Variants in ASH2L observed in about 807,000 individuals in gnomAD.
ASH2L encodes the protein ASH2 like, histone lysine methyltransferase complex subunit.
ASH2L carries 30 observed loss-of-function variants against 81.1 expected under a neutral mutation model. That is an observed-to-expected ratio of 0.37 (90% CI 0.28 to 0.50). The LOEUF is 0.50. ASH2L is among the 20% of genes least tolerant of loss of function. ASH2L has a pLI of 0.95. For missense variants in ASH2L, 559 were observed against 792.1 expected, an observed-to-expected ratio of 0.71 and a Z score of 3.53; for synonymous variants, 273 against 279.9, an observed-to-expected ratio of 0.98 and a Z score of 0.24.
chr8:38,112,449 G>A (rs1810728221), intron 5 of ASH2L, among the ~76,000 whole-genome samples: 1 of 151,458 alleles, frequency 6.6e-6, no homozygotes, highest in Non-Finnish European at 1.5e-5. Context: ...GCTTTAATAG[G>A]GACAGGTCTC....
chr8:38,130,775 T>C (rs902407654), intron 12 of ASH2L, among the ~76,000 whole-genome samples: 12 of 152,040 alleles, frequency 7.9e-5, no homozygotes, highest in Non-Finnish European at 1.6e-4. Context: ...ATTTTTGTAT[T>C]TTTAGTGGAG....
At chr8:38,115,331 C>T (rs1280592871) in intron 7 of ASH2L, among the ~76,000 whole-genome samples, 2 of 152,080 alleles carry the variant, frequency 1.3e-5, no homozygotes, top group Non-Finnish European at 2.9e-5. Context: ...AAATTTTGCT[C>T]TTAAAAACTT....
At chr8:38,132,656 G>A (rs760563130) in intron 12 of ASH2L, among the ~76,000 whole-genome samples, 3 of 149,722 alleles carry the variant, frequency 2.0e-5, no homozygotes, top group African/African-American at 4.9e-5. Context: ...AAAAGTAACC[G>A]GGTGTGGTGG....
At position 38,114,275 on chromosome 8, in the gene ASH2L, T is replaced by C. The variant is rs1211574341; in HGVS notation, c.669T>C (p.Ile223=). The stretch of plus-strand genomic sequence containing the variant: ...GGAAAATGACTTGGCCAAATAACAT[T>C]GTTAAAACAATGGTAAGTAGATTAA... The part of the protein sequence containing the change: ...RPGKMTWPNN[I]VKTMSKERDV... Residue 223 remains isoleucine, a synonymous_variant, in exon 6 of 16, where the codon ATT becomes ATC. Coordinates refer to ENST00000343823, the MANE Select transcript of ASH2L (RefSeq NM_004674.5). The C allele has an allele frequency of 6.2e-7, 1 of 1,601,726 alleles. No homozygotes were observed. Among genetic ancestry groups the C allele is most frequent in the Non-Finnish European group, 8.5e-7 (1 of 1,172,264 alleles).
rs1226058205 is a variant in ASH2L, at chr8:38,140,059, A to C, written c.*988A>C. The C allele has an allele frequency of 6.6e-6, 1 of 152,288 alleles. No homozygotes were observed. Among genetic ancestry groups the C allele is most frequent in the Non-Finnish European group, 1.5e-5 (1 of 68,112 alleles). The allele number at this position is 152,288 out of a possible 1,614,324, so 9.4% of individuals were successfully genotyped here. On this transcript the variant is annotated 3_prime_UTR_variant, in exon 16 of 16. Transcript: ENST00000343823. The stretch of plus-strand genomic sequence containing the variant: ...GACTATTAAAGACTGAAATGTAAGA[A>C]TGAGCCTTCTAGGCTGGGCGCGGTG...
chr8:38,129,055 G>A (rs1373587782), intron 12 of ASH2L, 104 bp downstream of exon 12: 14 of 1,477,720 alleles, frequency 9.5e-6, no homozygotes, highest in South Asian at 4.2e-5. Flanking sequence ...CACAGCTCAC[G>A]TTTTTTCCTA....
chr8:38,117,020 A>G (rs1810931831), intron 8 of ASH2L, among the ~76,000 whole-genome samples: 1 of 152,204 alleles, frequency 6.6e-6, no homozygotes, highest in South Asian at 2.1e-4. Flanking sequence ...CTAACATTAA[A>G]TTTAGAAAGA....
chr8:38,120,873 G>T (rs754313849), intron 9 of ASH2L, 59 bp from the exon 10 acceptor site: 1 of 1,411,658 alleles, frequency 7.1e-7, no homozygotes, highest in Non-Finnish European at 1.0e-6. Context: ...TTACACAGTT[G>T]AATGCATTTG....
intron 14 of ASH2L, 73 bp downstream of exon 14, chr8:38,135,839 T>C (rs1198531986): frequency 5.8e-6 from 7 of 1,214,956 alleles, no homozygotes; most frequent in African/African-American, 3.1e-5. Flanking sequence ...ACAAAGTTAC[T>C]GAGTGCTGGA....
chr8:38,124,789 T>A (rs538990180), intron 10 of ASH2L: 7 of 152,332 alleles, frequency 4.6e-5, no homozygotes, highest in African/African-American at 1.4e-4. Context: ...TTACAGTGAA[T>A]ACCTGTCTTA....
rs921116215 is a variant in ASH2L at position 38,138,971 on chromosome 8, A to G, written c.1787A>G (p.Asp596Gly). The stretch of plus-strand genomic sequence containing the variant: ...TTCTCATTCCTCCTGCAGATGAGTG[A>G]CATGGGCTGGGGCGCCGTGGTAGAG... ...PKDLTYRPMSDMGWGAVVEHT... is the reference protein window; with the variant it reads ...PKDLTYRPMSGMGWGAVVEHT... Residue 596 changes from aspartate to glycine, a missense_variant, in exon 16 of 16, where the codon GAC (aspartate) becomes GGC (glycine). Around this residue, in one of 4 missense-constraint regions of ASH2L, gnomAD observed 95 missense variants for 130.7 expected, o/e 0.73. Transcript: ENST00000343823. 1.9e-6 allele frequency: 3 copies of G among 1,613,848 alleles called. No individual in the cohort carries two copies. Among genetic ancestry groups the G allele is most frequent in the East Asian group, 2.2e-5 (1 of 44,886 alleles).
chr8:38,124,943 G>A (rs1425306524), intron 10 of ASH2L, among the ~76,000 whole-genome samples: 5 of 152,182 alleles, frequency 3.3e-5, no homozygotes, highest in East Asian at 1.9e-4. Context: ...AAGGCAAAGC[G>A]GAGCAGGCGT....
chr8:38,134,233 C>A (rs1802169249), intron 13 of ASH2L, among the ~76,000 whole-genome samples: 1 of 151,964 alleles, frequency 6.6e-6, no homozygotes, highest in Admixed American at 6.6e-5. Flanking sequence ...CCTTTGTTCA[C>A]TTGTTTGTAT....
At chr8:38,106,198 C>A (rs1216246889) in intron 1 of ASH2L, 180 bp from the exon 2 acceptor site, 3 of 1,474,214 alleles carry the variant, frequency 2.0e-6, no homozygotes, top group Non-Finnish European at 2.8e-6. Flanking sequence ...CCGCGACTGT[C>A]TGACATGTCC....
In ASH2L at chr8:38,105,556, G is replaced by C; in HGVS notation, c.6G>C (p.Ala2=). The change falls in exon 1 of 16, where the codon GCG becomes GCC. Residue 2 remains alanine, a synonymous_variant. Transcript: ENST00000343823. The part of the protein sequence containing the change: M[A]AAGAGPGQEA... ...GAAGTCCAGGGGTGGCCGTGATGGC[G>C]GCGGCAGGAGCAGGACCTGGCCAGG... 6.4e-7 allele frequency: 1 copy of C among 1,567,086 alleles called. No individual in the cohort carries two copies. The highest frequency in any genetic ancestry group is 8.7e-7 in the Non-Finnish European group (1 of 1,155,000).
intron 8 of ASH2L, 129 bp from the exon 9 acceptor site, chr8:38,119,141 C>A: frequency 3.8e-6 from 3 of 785,220 alleles, no homozygotes; most frequent in South Asian, 1.7e-5. Context: ...ATCCAATATG[C>A]CTTTGGAAGG....
intron 12 of ASH2L, among the ~76,000 whole-genome samples, chr8:38,129,513 A>G (rs1801973956): frequency 6.6e-6 from 1 of 152,160 alleles, no homozygotes; most frequent in African/African-American, 2.4e-5. Context: ...TGAAAAGCTG[A>G]GATGGGAGAA....
At chr8:38,110,134 C>T (rs1334693548) in intron 3 of ASH2L, among the ~76,000 whole-genome samples, 2 of 152,134 alleles carry the variant, frequency 1.3e-5, no homozygotes, top group South Asian at 4.1e-4. Flanking sequence ...CATGGCGAAA[C>T]CCTGACTCCA....
chr8:38,137,999 T>C (rs942340241), intron 14 of ASH2L: 10 of 152,268 alleles, frequency 6.6e-5, no homozygotes, highest in African/African-American at 2.4e-4. Context: ...GAAAAAGGGC[T>C]GGACGGAGTG....
Sources: gnomAD v4.1 joint callset for allele counts (sites outside exome capture counted in the v4.1 genomes callset) on GRCh38, gnomAD v4.1.1 for gene constraint, gnomAD v4.1.1 regional missense constraint, MANE v1.5 for transcripts, NCBI Gene and HGNC (gene_info 2026-07-23, HGNC 2026-07-21) for gene names.